The following MCHR2 variants were observed in gnomAD, a reference collection of about 807,000 sequenced individuals.
MCHR2 encodes melanin-concentrating hormone receptor 2.
In MCHR2, 15 loss-of-function variants were observed where a neutral mutation model predicts 24.8. That is an observed-to-expected ratio of 0.60 (90% CI 0.40 to 0.93). MCHR2 has a LOEUF of 0.93. MCHR2 is among the 40% of genes least tolerant of loss of function. The pLI is 0.00. For missense variants in MCHR2, 386 were observed against 408.7 expected (o/e 0.94, Z 0.48); for synonymous variants, 151 against 147.6 (o/e 1.02, Z -0.17).
At chr6:99,969,897 T>A (rs1231059304) in intron 1 of MCHR2, among the ~76,000 whole-genome samples, 1 of 151,078 alleles carries the variant, frequency 6.6e-6, no homozygotes, top group East Asian at 1.9e-4. Flanking sequence ...GAACTCTTCA[T>A]TTTTTATGGC....
chr6:99,969,244 G>A (rs189983394), intron 1 of MCHR2, among the ~76,000 whole-genome samples: 61 of 152,188 alleles, frequency 4.0e-4, no homozygotes, highest in African/African-American at 1.5e-3. Context: ...GGGAGGCTGA[G>A]GCGGGAGGAT....
At chr6:99,973,547 G>C (rs1486259567) in intron 1 of MCHR2, among the ~76,000 whole-genome samples, 8 of 152,096 alleles carry the variant, frequency 5.3e-5, no homozygotes, top group African/African-American at 1.2e-4. Flanking sequence ...TTAATTGGAG[G>C]ATTTAGCCCA....
Position 99,920,758 on chromosome 6 carries a change from A to G in MCHR2, c.*182T>C, listed in dbSNP as rs1223393363. 1 of 621,128 alleles carries G rather than the reference A, an allele frequency of 1.6e-6. No homozygotes were observed. 38.5% of individuals were successfully genotyped at this position (621,128 alleles called of 1,614,324 possible). A position where few individuals can be genotyped will look rare whatever the true frequency, so the allele number is the denominator to read the frequency against. ...CCCACAATATAGATCAACATTTTAC[A>G]TCTTGCTAAAGTTAGCATATTAAGC... is the stretch of plus-strand genomic sequence containing the variant. On this transcript the variant is annotated 3_prime_UTR_variant, in exon 6 of 6. Transcript: ENST00000281806.
intron 5 of MCHR2, among the ~76,000 whole-genome samples, chr6:99,929,400 T>G (rs1482288891): frequency 2.0e-5 from 3 of 152,196 alleles, no homozygotes; most frequent in Non-Finnish European, 4.4e-5. Flanking sequence ...CCTTGTTAAC[T>G]TTCTGTCTCA....
chr6:99,968,944 T>A (rs1392961264), intron 1 of MCHR2, among the ~76,000 whole-genome samples: 1 of 152,114 alleles, frequency 6.6e-6, no homozygotes, highest in Non-Finnish European at 1.5e-5. Context: ...AAATATAGCA[T>A]ATAAAATTTT....
intron 5 of MCHR2, among the ~76,000 whole-genome samples, chr6:99,932,369 G>T (rs1202653775): frequency 6.6e-6 from 1 of 152,038 alleles, no homozygotes; most frequent in African/African-American, 2.4e-5. Flanking sequence ...AATAATATAG[G>T]GATTGTTACA....
rs1298386750 is a variant in MCHR2 at position 99,925,802 on chromosome 6, TGTTA to T, written c.708-4551_708-4548del. Among the ~76,000 whole-genome samples, 6 of 151,534 alleles carry T rather than the reference TGTTA, an allele frequency of 4.0e-5. 1 individual carries two copies. Among genetic ancestry groups the T allele is most frequent in the Admixed American group, 2.0e-4 (3 of 15,254 alleles). On this transcript the variant is annotated intron_variant, in intron 5 of 5. Transcript: ENST00000281806. ...TTGTAGTTATTATTTTTGTTTTTTT[TGTTA>T]TTTTATTTTATTTTTTATTTTTATT...
intron 1 of MCHR2, among the ~76,000 whole-genome samples, chr6:99,975,009 G>A (rs1316542658): frequency 6.6e-6 from 1 of 152,212 alleles, no homozygotes; most frequent in African/African-American, 2.4e-5. Context: ...CAGTTAGGCT[G>A]CTCGGCGGTC....
chr6:99,974,161 G>A lies in MCHR2; in HGVS notation c.-27-17987C>T, dbSNP rs552302988. Among the ~76,000 whole-genome samples the A allele has an allele frequency of 1.7e-3, 255 of 152,270 alleles. 1 individual carries two copies. The highest frequency in any genetic ancestry group is 5.7e-3 in the African/African-American group (237 of 41,566). ...ATAATATCCTGCAGAGTGTTTTCCA[G>A]CTTGGTTCCATTCTCCCCATCACTT... On this transcript the variant is annotated intron_variant, in intron 1 of 5. Coordinates refer to ENST00000281806, the MANE Select transcript of MCHR2 (RefSeq NM_001040179.2).
intron 4 of MCHR2, among the ~76,000 whole-genome samples, chr6:99,941,994 T>C (rs1198080972): frequency 1.3e-5 from 2 of 152,158 alleles, no homozygotes; most frequent in African/African-American, 2.4e-5. Context: ...AGATAGCATA[T>C]GTAAAAATAT....
At chr6:99,958,148 A>G (rs1291146292) in intron 1 of MCHR2, among the ~76,000 whole-genome samples, 1 of 152,110 alleles carries the variant, frequency 6.6e-6, no homozygotes, top group African/African-American at 2.4e-5. Context: ...AAATAGGTCA[A>G]GGAAACATTA....
At chr6:99,973,837 T>C (rs983998700) in intron 1 of MCHR2, among the ~76,000 whole-genome samples, 9 of 152,202 alleles carry the variant, frequency 5.9e-5, no homozygotes, top group Non-Finnish European at 1.3e-4. Flanking sequence ...TTCGGCTGGA[T>C]ATGAAATTCT....
At position 99,969,893 on chromosome 6, in the gene MCHR2, T is replaced by A. The variant is rs371585627; in HGVS notation, c.-27-13719A>T. Among the ~76,000 whole-genome samples the A allele has an allele frequency of 1.3e-4, 20 of 151,318 alleles. 1 individual carries two copies. The East Asian group carries it at 3.3e-3, about 25-fold the overall frequency. ...ATGTCCCTACAAAGGACATGAACTCTTCATTTTTTATGGCTGCATAGTATT... is the reference window on the plus strand; with the variant it reads ...ATGTCCCTACAAAGGACATGAACTCATCATTTTTTATGGCTGCATAGTATT... On this transcript the variant is annotated intron_variant, in intron 1 of 5. Coordinates refer to ENST00000281806, the MANE Select transcript of MCHR2 (RefSeq NM_001040179.2).
chr6:99,964,397 G>A (rs1319875236), intron 1 of MCHR2, among the ~76,000 whole-genome samples: 1 of 152,112 alleles, frequency 6.6e-6, no homozygotes, highest in East Asian at 1.9e-4. Flanking sequence ...AAATGCCCAG[G>A]ACTGGGTAAT....
chr6:99,988,591 A>G (rs1775808798), intron 1 of MCHR2, among the ~76,000 whole-genome samples: 1 of 152,158 alleles, frequency 6.6e-6, no homozygotes, highest in African/African-American at 2.4e-5. Flanking sequence ...CCCCCCACCC[A>G]CAGGGCTAGA....
In MCHR2 at chr6:99,993,099, A is replaced by G. The variant is rs139091521; in HGVS notation, c.-28+837T>C. ...CCAGAAGATTTTGTGTTCATGCCTG[A>G]TTCTTTAGTGGTAGCTTCAGGGCCA... On this transcript the variant is annotated intron_variant, in intron 1 of 5. Transcript: ENST00000281806. Among the ~76,000 whole-genome samples, 9 of 152,304 alleles carry G rather than the reference A, an allele frequency of 5.9e-5. No individual in the cohort carries two copies. In the East Asian group the frequency reaches 1.7e-3, roughly 29 times the overall value.
chr6:99,956,049 A>G lies in MCHR2; in HGVS notation c.99T>C (p.Asp33=). 6.2e-7 allele frequency: 1 copy of G among 1,613,454 alleles called. No individual in the cohort carries two copies. The highest frequency in any genetic ancestry group is 8.5e-7 in the Non-Finnish European group (1 of 1,179,606). The stretch of plus-strand genomic sequence containing the variant: ...CAATCATGGAAGGGAGGATGACTGT[A>G]TCTACCACACTGGCAGTTTGATAAG... ...EFAYQTASVV[D]TVILPSMIGI... The change falls in exon 2 of 6, where the codon GAT becomes GAC. Residue 33 remains aspartate (D), a synonymous_variant. Coordinates refer to ENST00000281806, the MANE Select transcript of MCHR2 (RefSeq NM_001040179.2).
Position 99,918,717 on chromosome 6 carries a change from C to A in MCHR2, c.*2223G>T, listed in dbSNP as rs969888675. Among the ~76,000 whole-genome samples, 8 of 152,168 alleles carry A rather than the reference C, an allele frequency of 5.3e-5. No homozygotes were observed. The highest frequency in any genetic ancestry group is 1.2e-4 in the Non-Finnish European group (8 of 68,020). ...AACACACAAAGAATCTCTATCAAAT[C>A]ACCTCTGTAAATCTGCATATAAATA... On this transcript the variant is annotated 3_prime_UTR_variant, in exon 6 of 6. Transcript: ENST00000281806.
In MCHR2 at chr6:99,920,929, C is replaced by T. The variant is rs962843095; in HGVS notation, c.*11G>A. On this transcript the variant is annotated 3_prime_UTR_variant, in exon 6 of 6. Coordinates refer to ENST00000281806, the MANE Select transcript of MCHR2 (RefSeq NM_001040179.2). Reference sequence around the variant, plus strand: ...AATCATGTCTAGACTCATGGTGATCCATGTACTTTCCTAAAAGTGTGATTT... The same window carrying T: ...AATCATGTCTAGACTCATGGTGATCTATGTACTTTCCTAAAAGTGTGATTT... The T allele has an allele frequency of 1.9e-6, 3 of 1,611,528 alleles. No individual in the cohort carries two copies. Among genetic ancestry groups the T allele is most frequent in the African/African-American group, 2.7e-5 (2 of 74,824 alleles).
Sources: gnomAD v4.1 joint callset for allele counts (sites outside exome capture counted in the v4.1 genomes callset) on GRCh38, gnomAD v4.1.1 for gene constraint, MANE v1.5 for transcripts, NCBI Gene and HGNC (gene_info 2026-07-23, HGNC 2026-07-21) for gene names.